The following MSH3 variants were observed in gnomAD, a reference collection of about 807,000 sequenced individuals.
MSH3 encodes the protein mutS homolog 3, also known as DNA mismatch repair protein Msh3.
A neutral mutation model predicts 123.3 loss-of-function variants in MSH3; 106 were observed. The observed-to-expected ratio is 0.86, with a 90% CI of 0.73 to 1.01. The LOEUF is 1.01. MSH3 is among the 50% of genes least tolerant of loss of function. MSH3 has a pLI of 0.00. For missense variants in MSH3, 1,459 were observed against 1,347.6 expected (o/e 1.08, Z -1.29); for synonymous variants, 515 against 481.4 (o/e 1.07, Z -0.91).
intron 19 of MSH3, among the ~76,000 whole-genome samples, chr5:80,795,181 G>T (rs1372457115): frequency 6.6e-6 from 1 of 152,118 alleles, no homozygotes; most frequent in African/African-American, 2.4e-5. Context: ...GTGTGGCATG[G>T]TGCATTTGGC....
intron 15 of MSH3, among the ~76,000 whole-genome samples, chr5:80,769,292 T>C (rs1744176640): frequency 6.6e-6 from 1 of 152,066 alleles, no homozygotes; most frequent in Non-Finnish European, 1.5e-5. Flanking sequence ...ACTTATAGAA[T>C]TCATTTGTTC....
At chr5:80,730,071 A>G (rs571545888) in intron 10 of MSH3, among the ~76,000 whole-genome samples, 1 of 152,292 alleles carries the variant, frequency 6.6e-6, no homozygotes, top group African/African-American at 2.4e-5. Flanking sequence ...CCCGTGTGGT[A>G]CTAGAACAGA....
chr5:80,865,384 A>G (rs1477056931), intron 22 of MSH3, among the ~76,000 whole-genome samples: 1 of 152,188 alleles, frequency 6.6e-6, no homozygotes, highest in Non-Finnish European at 1.5e-5. Context: ...ATAGGTTTTT[A>G]TTTTAATATT....
chr5:80,763,881 T>C (rs1267080183), intron 13 of MSH3, among the ~76,000 whole-genome samples: 2 of 152,254 alleles, frequency 1.3e-5, no homozygotes, highest in African/African-American at 4.8e-5. Context: ...AGTGCAAGAA[T>C]GACTTATTTT....
chr5:80,655,167 G>A lies in MSH3; in HGVS notation c.237+203G>A, dbSNP rs772353982. 24 of 464,166 alleles carry A rather than the reference G, an allele frequency of 5.2e-5. 1 individual carries two copies. Among genetic ancestry groups the A allele is most frequent in the Non-Finnish European group, 8.7e-5 (23 of 265,446 alleles). 28.8% of individuals were successfully genotyped at this position (464,166 alleles called of 1,614,324 possible). ...AGGTTTTAGTACTTCCGTTTGAGGA[G>A]ATAGGCAAAGGTTATGCAGGTTTTT... On this transcript the variant is annotated intron_variant, in intron 1 of 23. Coordinates refer to ENST00000265081, the MANE Select transcript of MSH3 (RefSeq NM_002439.5).
intron 13 of MSH3, 91 bp from the exon 14 acceptor site, chr5:80,767,842 C>T (rs961778380): frequency 1.0e-6 from 1 of 1,002,530 alleles, no homozygotes; most frequent in South Asian, 1.4e-5. Context: ...TTAAACTTTC[C>T]TCAATTCTGA....
At chr5:80,865,444 A>G (rs1217137955) in intron 22 of MSH3, among the ~76,000 whole-genome samples, 1 of 152,192 alleles carries the variant, frequency 6.6e-6, no homozygotes, top group Admixed American at 6.5e-5. Flanking sequence ...CATGTCAACC[A>G]CTTAGATGGG....
chr5:80,845,577 T>C (rs1476518259), intron 20 of MSH3, among the ~76,000 whole-genome samples: 1 of 152,236 alleles, frequency 6.6e-6, no homozygotes, highest in Non-Finnish European at 1.5e-5. Context: ...TAGTCCCATA[T>C]TTCATGGAGG....
chr5:80,835,940 G>A (rs1452900803), intron 20 of MSH3, among the ~76,000 whole-genome samples: 1 of 151,932 alleles, frequency 6.6e-6, no homozygotes, highest in Non-Finnish European at 1.5e-5. Flanking sequence ...TATTAATACT[G>A]TGGAGGTTAT....
At chr5:80,782,414 G>A (rs1166768112) in intron 17 of MSH3, among the ~76,000 whole-genome samples, 1 of 151,926 alleles carries the variant, frequency 6.6e-6, no homozygotes, top group African/African-American at 2.4e-5. Flanking sequence ...TTTATTTATA[G>A]CATTTACATT....
In MSH3 at chr5:80,854,007, T is replaced by C; in HGVS notation, c.2814-123T>C. The C allele has an allele frequency of 1.0e-5, 8 of 772,056 alleles. No individual in the cohort carries two copies. The South Asian group carries it at 1.4e-4, about 13-fold the overall frequency. 47.8% of individuals were successfully genotyped at this position (772,056 alleles called of 1,614,324 possible). On this transcript the variant is annotated intron_variant, in intron 20 of 23. Coordinates refer to ENST00000265081, the MANE Select transcript of MSH3 (RefSeq NM_002439.5). ...TTCTTTTGTTTAATTTAATTTGAGCTATTATTGGCTCAAAATATATAGATT... is the reference window on the plus strand; with the variant it reads ...TTCTTTTGTTTAATTTAATTTGAGCCATTATTGGCTCAAAATATATAGATT...
At chr5:80,875,314 G>GGA (rs1746288527) in intron 23 of MSH3, among the ~76,000 whole-genome samples, 1 of 143,292 alleles carries the variant, frequency 7.0e-6, no homozygotes, top group Non-Finnish European at 1.5e-5. Flanking sequence ...CTATTCTGCA[G>GGA]AAAAAAAAAA....
chr5:80,730,988 C>T (rs544351105), intron 10 of MSH3, among the ~76,000 whole-genome samples: 5 of 149,842 alleles, frequency 3.3e-5, no homozygotes, highest in Admixed American at 1.3e-4. Context: ...CTGCAACTTC[C>T]GCCTCCTGGG....
At chr5:80,775,391 T>C (rs1744280557) in intron 15 of MSH3, among the ~76,000 whole-genome samples, 1 of 152,110 alleles carries the variant, frequency 6.6e-6, no homozygotes, top group African/African-American at 2.4e-5. Flanking sequence ...TAAGTGAGTA[T>C]TAATAAATGA....
At chr5:80,859,776 C>T (rs245348) in intron 21 of MSH3, among the ~76,000 whole-genome samples, 104,115 of 147,044 alleles carry the variant, frequency 0.71, 36,711 homozygotes, top group South Asian at 0.8. Context: ...TGGGATCTTA[C>T]TGTGTTGCCT....
chr5:80,699,750 T>A (rs980166166), intron 8 of MSH3, among the ~76,000 whole-genome samples: 7 of 152,096 alleles, frequency 4.6e-5, no homozygotes, highest in Admixed American at 6.6e-5. Flanking sequence ...CTTTAAAAAA[T>A]TTTTTAATAT....
At chr5:80,714,263 G>C (rs1300650823) in intron 8 of MSH3, among the ~76,000 whole-genome samples, 1 of 150,104 alleles carries the variant, frequency 6.7e-6, no homozygotes, top group African/African-American at 2.5e-5. Context: ...AGCCTCCCGA[G>C]TAGCTAGGAT....
chr5:80,788,446 A>C (rs571477907), intron 18 of MSH3, among the ~76,000 whole-genome samples: 132 of 152,282 alleles, frequency 8.7e-4, no homozygotes, highest in Non-Finnish European at 1.6e-3. Flanking sequence ...GTCTCAAAAA[A>C]AAAAATTTTT....
chr5:80,795,253 A>G (rs1744676948), intron 19 of MSH3, among the ~76,000 whole-genome samples: 1 of 152,158 alleles, frequency 6.6e-6, no homozygotes, highest in African/African-American at 2.4e-5. Context: ...AATTTATAAT[A>G]TGGATTTTCA....
Sources: gnomAD v4.1 joint callset for allele counts (sites outside exome capture counted in the v4.1 genomes callset) on GRCh38, gnomAD v4.1.1 for gene constraint, MANE v1.5 for transcripts, NCBI Gene and HGNC (gene_info 2026-07-23, HGNC 2026-07-21) for gene names.